The following SLC39A12 variants were observed in gnomAD, a reference collection of about 807,000 sequenced individuals.
SLC39A12 encodes the protein solute carrier family 39 member 12.
A neutral mutation model predicts 71.1 loss-of-function variants in SLC39A12; 63 were observed. That is an observed-to-expected ratio of 0.89 (90% CI 0.72 to 1.09). The LOEUF is 1.09. Ranked by LOEUF, SLC39A12 falls within the 50% of genes least tolerant of loss-of-function variation. The probability of loss-of-function intolerance (pLI) is 0.00; values close to 1 mark genes in which losing one functional copy is unlikely to be tolerated. For missense variants in SLC39A12, 892 were observed against 812.6 expected, an observed-to-expected ratio of 1.10 and a Z score of -1.19; for synonymous variants, 351 against 301.3, an observed-to-expected ratio of 1.16 and a Z score of -1.71.
At chr10:17,991,001 G>A (rs1319166927) in intron 7 of SLC39A12, 150 bp from the exon 8 acceptor site, 5 of 714,970 alleles carry the variant, frequency 7.0e-6, no homozygotes, top group Non-Finnish European at 1.0e-5. Flanking sequence ...AAGCAAACTG[G>A]ACTTTTAGTG....
chr10:18,026,595 C>A (rs1836684554), intron 12 of SLC39A12, among the ~76,000 whole-genome samples: 1 of 152,100 alleles, frequency 6.6e-6, no homozygotes, highest in Non-Finnish European at 1.5e-5. Context: ...GAGAAATTCT[C>A]AGTATTGTTT....
chr10:17,996,076 A>G lies in SLC39A12; in HGVS notation c.1600+354A>G, dbSNP rs561372416. On this transcript the variant is annotated intron_variant, in intron 10 of 12. Transcript: ENST00000377369. The stretch of plus-strand genomic sequence containing the variant: ...TTTTATTTCACTGTGAAGTATGGAT[A>G]TATCATTGTTTTTTCATCTTCTAGC... Among the ~76,000 whole-genome samples the G allele has an allele frequency of 7.2e-5, 11 of 152,310 alleles. No individual in the cohort carries two copies. The South Asian group carries it at 2.3e-3, about 32-fold the overall frequency.
At chr10:17,981,915 A>T (rs1252076178) in intron 6 of SLC39A12, among the ~76,000 whole-genome samples, 1 of 152,228 alleles carries the variant, frequency 6.6e-6, no homozygotes, top group African/African-American at 2.4e-5. Context: ...AGAAGGCAAT[A>T]GCATTGGAAT....
chr10:17,984,393 T>A (rs561892013), intron 6 of SLC39A12, among the ~76,000 whole-genome samples: 5 of 152,264 alleles, frequency 3.3e-5, no homozygotes, highest in Non-Finnish European at 7.3e-5. Context: ...CAACTTTGCC[T>A]TTTGCCTGGG....
intron 2 of SLC39A12, among the ~76,000 whole-genome samples, chr10:17,961,357 T>C (rs1275646237): frequency 1.3e-5 from 2 of 152,220 alleles, no homozygotes; most frequent in African/African-American, 2.4e-5. Flanking sequence ...TTGTGGCCGA[T>C]CTAGTTGGAG....
At chr10:18,027,423 A>AT (rs1346872319) in intron 12 of SLC39A12, among the ~76,000 whole-genome samples, 1 of 152,178 alleles carries the variant, frequency 6.6e-6, no homozygotes, top group Non-Finnish European at 1.5e-5. Flanking sequence ...CAAAATGATT[A>AT]TTTTCCCTCT....
intron 10 of SLC39A12, among the ~76,000 whole-genome samples, chr10:17,997,022 C>CAA (rs71924913): frequency 0.26 from 30,420 of 115,362 alleles, 4,516 homozygotes; most frequent in Admixed American, 0.39. Context: ...GACTCCGTCT[C>CAA]AAAAAAAAAA....
intron 4 of SLC39A12, among the ~76,000 whole-genome samples, chr10:17,968,719 G>A (rs1834895323): frequency 1.3e-5 from 2 of 152,150 alleles, no homozygotes; most frequent in South Asian, 4.2e-4. Flanking sequence ...TTTGCTACAG[G>A]CATGCAATGT....
intron 1 of SLC39A12, among the ~76,000 whole-genome samples, chr10:17,952,976 G>T (rs574836962): frequency 6.6e-6 from 1 of 152,290 alleles, no homozygotes; most frequent in African/African-American, 2.4e-5. Flanking sequence ...TTAGTTTAGG[G>T]AGAGAGAATC....
At chr10:17,952,491 C>CA (rs1834427566) in intron 1 of SLC39A12, among the ~76,000 whole-genome samples, 1 of 128,556 alleles carries the variant, frequency 7.8e-6, no homozygotes, top group East Asian at 2.2e-4. Context: ...TTTCTTTTTT[C>CA]TTTTTTTTTT....
intron 10 of SLC39A12, among the ~76,000 whole-genome samples, chr10:17,996,643 A>T (rs1268802055): frequency 6.6e-6 from 1 of 152,230 alleles, no homozygotes; most frequent in African/African-American, 2.4e-5. Context: ...GTTGTTAGCG[A>T]GGTTAAATCA....
Position 17,983,744 on chromosome 10 carries a change from T to C in SLC39A12, c.1096+2261T>C, listed in dbSNP as rs12571789. On this transcript the variant is annotated intron_variant, in intron 6 of 12. Coordinates refer to ENST00000377369, the MANE Select transcript of SLC39A12 (RefSeq NM_001145195.2). ...TTGCAGTGAGCCAAGATTGCACCAT[T>C]GCACTCCAGCCTGGGCGACAGGGAG... Among the ~76,000 whole-genome samples, 2,710 of 152,156 alleles carry C rather than the reference T, an allele frequency of 0.018. 180 individuals are homozygous for C. In the East Asian group the frequency reaches 0.2, roughly 11 times the overall value.
At chr10:18,032,257 G>A (rs1413242778) in intron 12 of SLC39A12, among the ~76,000 whole-genome samples, 3 of 118,012 alleles carry the variant, frequency 2.5e-5, no homozygotes, top group Admixed American at 8.8e-5. Context: ...CCATTTTCAC[G>A]ATATTGATTC....
At chr10:18,041,731 AT>A (rs1182333484) in intron 12 of SLC39A12, among the ~76,000 whole-genome samples, 1 of 141,678 alleles carries the variant, frequency 7.1e-6, no homozygotes, top group African/African-American at 2.6e-5. Flanking sequence ...ATATATGTGT[AT>A]ATATGTATAT....
chr10:18,036,798 T>A (rs1312409201), intron 12 of SLC39A12, among the ~76,000 whole-genome samples: 6 of 76,868 alleles, frequency 7.8e-5, no homozygotes, highest in East Asian at 8.3e-4. Flanking sequence ...ATATATATTT[T>A]TTTTTTTAAT....
intron 2 of SLC39A12, among the ~76,000 whole-genome samples, chr10:17,960,337 C>T (rs1355455721): frequency 1.3e-5 from 2 of 152,088 alleles, no homozygotes; most frequent in South Asian, 4.1e-4. Context: ...GATAGTAAGG[C>T]GAAAGGCAGA....
chr10:18,027,682 T>A (rs1009131326), intron 12 of SLC39A12, among the ~76,000 whole-genome samples: 3 of 152,250 alleles, frequency 2.0e-5, no homozygotes, highest in Admixed American at 6.5e-5. Context: ...GTTGTGATTG[T>A]CTGAGTCTAC....
At chr10:18,040,168 T>C (rs1837180907) in intron 12 of SLC39A12, among the ~76,000 whole-genome samples, 3 of 152,250 alleles carry the variant, frequency 2.0e-5, no homozygotes, top group Non-Finnish European at 4.4e-5. Flanking sequence ...TAGACTGTTT[T>C]ATCCACATTC....
intron 4 of SLC39A12, among the ~76,000 whole-genome samples, chr10:17,976,169 C>T (rs1835104569): frequency 6.6e-6 from 1 of 152,094 alleles, no homozygotes; most frequent in South Asian, 2.1e-4. Flanking sequence ...TATGAAGGTG[C>T]TTTTCTTGTG....
Sources: gnomAD v4.1 joint callset for allele counts (sites outside exome capture counted in the v4.1 genomes callset) on GRCh38, gnomAD v4.1.1 for gene constraint, MANE v1.5 for transcripts, NCBI Gene and HGNC (gene_info 2026-07-23, HGNC 2026-07-21) for gene names.